COG5: variants seen among roughly 807,000 people sequenced by gnomAD.
COG5 encodes conserved oligomeric Golgi complex subunit 5.
In COG5, 86 loss-of-function variants were observed where a neutral mutation model predicts 110.4. The ratio of observed to expected loss-of-function variants is 0.78; its 90% CI spans 0.65 to 0.93. The LOEUF (loss-of-function observed/expected upper bound fraction) is 0.93. Among genes scored for constraint, COG5 ranks in the 40% least tolerant of loss-of-function variants. The probability of loss-of-function intolerance (pLI) is 0.00; values close to 1 mark genes in which losing one functional copy is unlikely to be tolerated. For synonymous variants in COG5, 360 were observed against 334.6 expected, an observed-to-expected ratio of 1.08 and a Z score of -0.83; for missense variants, 1,077 against 987.0, an observed-to-expected ratio of 1.09 and a Z score of -1.22.
intron 6 of COG5, among the ~76,000 whole-genome samples, chr7:107,480,443 T>C (rs975853466): frequency 1.3e-5 from 2 of 152,072 alleles, no homozygotes; most frequent in African/African-American, 2.4e-5. Context: ...AAGTTAAAAA[T>C]GAGTTGACCA....
At chr7:107,425,943 T>C (rs1793617350) in intron 6 of COG5, among the ~76,000 whole-genome samples, 1 of 152,094 alleles carries the variant, frequency 6.6e-6, no homozygotes, top group Non-Finnish European at 1.5e-5. Flanking sequence ...ACTTGGACAA[T>C]ACCCACACAT....
intron 12 of COG5, among the ~76,000 whole-genome samples, chr7:107,295,178 C>T (rs1806643190): frequency 7.3e-6 from 1 of 137,604 alleles, no homozygotes; most frequent in South Asian, 2.4e-4. Context: ...CTCAAGTGAT[C>T]CACCCTCCTC....
chr7:107,419,348 A>G (rs1024435889), intron 6 of COG5, among the ~76,000 whole-genome samples: 1 of 152,106 alleles, frequency 6.6e-6, no homozygotes, highest in African/African-American at 2.4e-5. Context: ...TATAAAACCA[A>G]TAATTTAAAC....
chr7:107,375,109 T>C (rs140143698), intron 7 of COG5, among the ~76,000 whole-genome samples: 1 of 152,188 alleles, frequency 6.6e-6, no homozygotes, highest in Admixed American at 6.5e-5. Flanking sequence ...TTCACATAAA[T>C]GGAATTATAC....
intron 6 of COG5, among the ~76,000 whole-genome samples, chr7:107,468,216 A>C (rs993445449): frequency 6.6e-6 from 1 of 152,104 alleles, no homozygotes; most frequent in Non-Finnish European, 1.5e-5. Context: ...ACTTACCTTG[A>C]CCCTTTCAAG....
intron 7 of COG5, among the ~76,000 whole-genome samples, chr7:107,390,832 G>T (rs897559265): frequency 1.3e-5 from 2 of 150,756 alleles, no homozygotes; most frequent in Non-Finnish European, 2.9e-5. Context: ...CAATCAATAA[G>T]GCTTGATACA....
chr7:107,307,075 C>T (rs1584653876), intron 11 of COG5, among the ~76,000 whole-genome samples: 1 of 152,304 alleles, frequency 6.6e-6, no homozygotes, highest in East Asian at 1.9e-4. Flanking sequence ...ACTCTATAAA[C>T]TATTCATTTG....
At chr7:107,362,223 TA>T (rs34409602) in intron 9 of COG5, 84 bp downstream of exon 9, 1 of 1,383,800 alleles carries the variant, frequency 7.2e-7, no homozygotes, top group Non-Finnish European at 1.0e-6. Flanking sequence ...GCTCATTGAT[TA>T]AAAAACCTGC....
At chr7:107,366,399 G>T (rs887144468) in intron 8 of COG5, among the ~76,000 whole-genome samples, 2 of 152,056 alleles carry the variant, frequency 1.3e-5, no homozygotes, top group African/African-American at 2.4e-5. Context: ...GGAAAACAGA[G>T]AATATCTGAT....
rs116191547 is a variant in COG5, at chr7:107,393,839, T to A, written c.669+18663A>T. ...CTTTGGATAATCAATATTCTAAGAA[T>A]AACTTTTCTATGAATTGTCACTGTA... On this transcript the variant is annotated intron_variant, in intron 7 of 21. Transcript: ENST00000297135. 1.2e-3 allele frequency among the ~76,000 whole-genome samples: 185 copies of A among 152,356 alleles called. 2 individuals are homozygous for A. The highest frequency in any genetic ancestry group is 4.2e-3 in the African/African-American group (176 of 41,594).
intron 21 of COG5, chr7:107,209,698 G>T: frequency 2.1e-6 from 1 of 486,274 alleles, no homozygotes; most frequent in East Asian, 1.5e-4. Flanking sequence ...TGCAAGCTCT[G>T]AGAGGACAGG....
chr7:107,261,736 T>G (rs1185761671), intron 14 of COG5, among the ~76,000 whole-genome samples: 2 of 152,220 alleles, frequency 1.3e-5, no homozygotes. Flanking sequence ...GGTCACACTC[T>G]ATAATCTTGC....
At chr7:107,430,730 G>A (rs1447842238) in intron 6 of COG5, among the ~76,000 whole-genome samples, 1 of 152,148 alleles carries the variant, frequency 6.6e-6, no homozygotes, top group South Asian at 2.1e-4. Context: ...GCATATTAAT[G>A]TACTCTAAGG....
chr7:107,487,188 A>T (rs1328522697), intron 6 of COG5, among the ~76,000 whole-genome samples: 2 of 152,154 alleles, frequency 1.3e-5, no homozygotes, highest in African/African-American at 4.8e-5. Flanking sequence ...TCTACTGTAT[A>T]AAAAATAGTT....
At chr7:107,226,941 T>C (rs564658755) in intron 19 of COG5, among the ~76,000 whole-genome samples, 3 of 152,180 alleles carry the variant, frequency 2.0e-5, no homozygotes, top group Admixed American at 6.5e-5. Context: ...GGATACTCCA[T>C]AGGCAAGAAA....
At chr7:107,458,212 C>T (rs1795781689) in intron 6 of COG5, among the ~76,000 whole-genome samples, 3 of 152,146 alleles carry the variant, frequency 2.0e-5, no homozygotes, top group Admixed American at 2.0e-4. Context: ...TTGTTGCAAA[C>T]AACCCTGCAC....
intron 6 of COG5, among the ~76,000 whole-genome samples, chr7:107,502,056 T>C (rs1396030058): frequency 6.6e-6 from 1 of 152,126 alleles, no homozygotes; most frequent in Admixed American, 6.6e-5. Context: ...GTACAAGTGG[T>C]TGTGATTACA....
intron 10 of COG5, among the ~76,000 whole-genome samples, chr7:107,335,216 C>G (rs1335987485): frequency 6.6e-6 from 1 of 151,952 alleles, no homozygotes; most frequent in Non-Finnish European, 1.5e-5. Context: ...ATGGTGAAAC[C>G]CTGCCTCTAC....
intron 10 of COG5, among the ~76,000 whole-genome samples, chr7:107,351,761 A>G (rs1762771889): frequency 6.6e-6 from 1 of 151,546 alleles, no homozygotes. Flanking sequence ...CCACAATGAG[A>G]TACCATCTCA....
Sources: allele counts gnomAD v4.1 joint callset (sites outside exome capture counted in the v4.1 genomes callset), GRCh38; gene constraint gnomAD v4.1.1; transcripts MANE v1.5; gene names NCBI Gene and HGNC (gene_info 2026-07-23, HGNC 2026-07-21).